Variants in FOXN3 observed in about 807,000 individuals in gnomAD.
The protein encoded by FOXN3 is forkhead box protein N3.
FOXN3 carries 7 observed loss-of-function variants against 38.4 expected under a neutral mutation model. That is an observed-to-expected ratio of 0.18 (90% CI 0.10 to 0.34). The LOEUF is 0.34. FOXN3 is among the 10% of genes least tolerant of loss of function. The probability of loss-of-function intolerance (pLI) is 1.00; values close to 1 mark genes in which losing one functional copy is unlikely to be tolerated. For missense variants in FOXN3, 456 were observed against 613.4 expected (o/e 0.74, Z 2.71); for synonymous variants, 230 against 242.2 (o/e 0.95, Z 0.47).
intron 4 of FOXN3, among the ~76,000 whole-genome samples, chr14:89,197,729 G>C (rs965650240): frequency 1.3e-5 from 2 of 152,162 alleles, no homozygotes; most frequent in Admixed American, 1.3e-4. Flanking sequence ...CAGATGTGCA[G>C]TGAAATTCCA....
chr14:89,322,031 G>A (rs1455727140), intron 3 of FOXN3, among the ~76,000 whole-genome samples: 1 of 152,178 alleles, frequency 6.6e-6, no homozygotes, highest in Non-Finnish European at 1.5e-5. Context: ...CACTGGCCCT[G>A]ATACTGCAAC....
At chr14:89,616,644 C>A (rs61996554) in intron 1 of FOXN3, among the ~76,000 whole-genome samples, 1 of 151,954 alleles carries the variant, frequency 6.6e-6, no homozygotes. Context: ...TAACTTCCCC[C>A]GATGAATCCT....
chr14:89,193,343 G>A (rs546152344), intron 4 of FOXN3, among the ~76,000 whole-genome samples: 1 of 152,218 alleles, frequency 6.6e-6, no homozygotes, highest in South Asian at 2.1e-4. Flanking sequence ...CACATTAAAG[G>A]AAATTGTAGA....
At chr14:89,191,241 C>T (rs1596090838) in intron 4 of FOXN3, among the ~76,000 whole-genome samples, 1 of 152,224 alleles carries the variant, frequency 6.6e-6, no homozygotes, top group East Asian at 1.9e-4. Flanking sequence ...AGCTCTGCTG[C>T]TATGGAAATG....
chr14:89,606,084 C>T (rs1446507538), intron 1 of FOXN3, among the ~76,000 whole-genome samples: 2 of 151,334 alleles, frequency 1.3e-5, no homozygotes, highest in Non-Finnish European at 2.9e-5. Context: ...TGCGATGGCA[C>T]AGAGATTAAA....
intron 4 of FOXN3, among the ~76,000 whole-genome samples, chr14:89,254,489 G>A (rs1885557844): frequency 6.6e-6 from 1 of 152,158 alleles, no homozygotes; most frequent in Non-Finnish European, 1.5e-5. Flanking sequence ...GGCTGCTCAG[G>A]TCCAGCCAGT....
At chr14:89,262,040 G>A (rs1349771614) in intron 4 of FOXN3, among the ~76,000 whole-genome samples, 1 of 152,130 alleles carries the variant, frequency 6.6e-6, no homozygotes, top group East Asian at 1.9e-4. Flanking sequence ...GGAGGCAGAG[G>A]TTGCAGTGAG....
chr14:89,590,249 A>C (rs1408347824), intron 1 of FOXN3, among the ~76,000 whole-genome samples: 2 of 152,198 alleles, frequency 1.3e-5, no homozygotes, highest in African/African-American at 4.8e-5. Flanking sequence ...CCCTGTAAGC[A>C]AACTGAAGAC....
At chr14:89,567,667 TAC>T (rs113255563) in intron 1 of FOXN3, among the ~76,000 whole-genome samples, 4,623 of 151,738 alleles carry the variant, frequency 0.03, 233 homozygotes, top group African/African-American at 0.1. Context: ...CAAGGAAGGT[TAC>T]AGTTACCTAT....
At chr14:89,246,081 T>C (rs1347630885) in intron 4 of FOXN3, among the ~76,000 whole-genome samples, 1 of 152,150 alleles carries the variant, frequency 6.6e-6, no homozygotes, top group Non-Finnish European at 1.5e-5. Flanking sequence ...AAACTGCTTG[T>C]GCTGATGGCT....
At position 89,159,282 on chromosome 14, in the gene FOXN3, G is replaced by A. The variant is rs1887046165; in HGVS notation, c.*3132C>T. ...TCAAAATACAAAGTTAAACACAATT[G>A]AGCCATTGTTTTGGTTATGCATAAT... On this transcript the variant is annotated 3_prime_UTR_variant, in exon 6 of 6. Coordinates refer to ENST00000557258, the MANE Select transcript of FOXN3 (RefSeq NM_005197.4). The A allele has an allele frequency of 6.6e-6, 1 of 152,508 alleles. No individual in the cohort carries two copies. Among genetic ancestry groups the A allele is most frequent in the African/African-American group, 2.4e-5 (1 of 41,400 alleles). The allele number at this position is 152,508 out of a possible 1,614,324, so 9.4% of individuals were successfully genotyped here. A position where few individuals can be genotyped will look rare whatever the true frequency, so the allele number is the denominator to read the frequency against.
chr14:89,591,682 T>TG (rs1310265706), intron 1 of FOXN3, among the ~76,000 whole-genome samples: 1 of 152,110 alleles, frequency 6.6e-6, no homozygotes, highest in Non-Finnish European at 1.5e-5. Context: ...CCAAGAACTT[T>TG]GGGGGGTTGA....
chr14:89,453,861 G>A (rs1348425487), intron 1 of FOXN3, among the ~76,000 whole-genome samples: 1 of 152,160 alleles, frequency 6.6e-6, no homozygotes, highest in East Asian at 1.9e-4. Context: ...GCTATGGACT[G>A]AGGTTTTGTG....
At chr14:89,409,749 C>T (rs555367984) in intron 2 of FOXN3, among the ~76,000 whole-genome samples, 2 of 152,294 alleles carry the variant, frequency 1.3e-5, no homozygotes, top group African/African-American at 4.8e-5. Flanking sequence ...TTAAATACCA[C>T]AGACCTGGTT....
At chr14:89,587,194 G>T (rs879588860) in intron 1 of FOXN3, among the ~76,000 whole-genome samples, 1 of 152,194 alleles carries the variant, frequency 6.6e-6, no homozygotes, top group Non-Finnish European at 1.5e-5. Flanking sequence ...TTTTCTCTTG[G>T]GGTCTTCGAC....
intron 1 of FOXN3, among the ~76,000 whole-genome samples, chr14:89,524,513 C>CAAATA (rs1396352985): frequency 7.6e-6 from 1 of 132,296 alleles, no homozygotes; most frequent in Non-Finnish European, 1.7e-5. Context: ...GGAAAAAAAT[C>CAAATA]AAATAAAAAC....
chr14:89,510,057 G>A (rs1447325153), intron 1 of FOXN3, among the ~76,000 whole-genome samples: 1 of 152,160 alleles, frequency 6.6e-6, no homozygotes, highest in Admixed American at 6.5e-5. Flanking sequence ...ACATGGATGA[G>A]AGGCGGATAG....
At chr14:89,530,993 A>G (rs1348536354) in intron 1 of FOXN3, among the ~76,000 whole-genome samples, 2 of 147,334 alleles carry the variant, frequency 1.4e-5, no homozygotes, top group Non-Finnish European at 3.0e-5. Context: ...ATATCTACAC[A>G]TATATAATAT....
At chr14:89,490,264 AC>A (rs1402795405) in intron 1 of FOXN3, among the ~76,000 whole-genome samples, 1 of 152,094 alleles carries the variant, frequency 6.6e-6, no homozygotes, top group Non-Finnish European at 1.5e-5. Flanking sequence ...CCTGAGCTCA[AC>A]TCCCAGTCCA....
Sources: allele counts gnomAD v4.1 joint callset (sites outside exome capture counted in the v4.1 genomes callset), GRCh38; gene constraint gnomAD v4.1.1; transcripts MANE v1.5; gene names NCBI Gene and HGNC (gene_info 2026-07-23, HGNC 2026-07-21).